The following CPED1 variants were observed in gnomAD, a reference collection of about 807,000 sequenced individuals.
CPED1 encodes cadherin like and PC-esterase domain containing 1.
Under a neutral mutation model 128.2 loss-of-function variants are expected in CPED1, and 114 were observed. That is an observed-to-expected ratio of 0.89 (90% CI 0.76 to 1.04). The LOEUF (loss-of-function observed/expected upper bound fraction) is 1.04, where lower values mean the gene tolerates loss of function less well. Among genes scored for constraint, CPED1 ranks in the 50% least tolerant of loss-of-function variants. The probability of loss-of-function intolerance (pLI) is 0.00; values close to 1 mark genes in which losing one functional copy is unlikely to be tolerated. For missense variants in CPED1, 1,211 were observed against 1,207.1 expected (o/e 1.00, Z -0.05); for synonymous variants, 462 against 426.7 (o/e 1.08, Z -1.02).
At chr7:121,134,901 G>A (rs914361240) in intron 13 of CPED1, among the ~76,000 whole-genome samples, 8 of 151,434 alleles carry the variant, frequency 5.3e-5, no homozygotes, top group Non-Finnish European at 7.4e-5. Flanking sequence ...TCATTTTAAG[G>A]AAATAATATA....
intron 2 of CPED1, among the ~76,000 whole-genome samples, chr7:121,001,841 C>T (rs1791868841): frequency 6.6e-6 from 1 of 152,026 alleles, no homozygotes; most frequent in African/African-American, 2.4e-5. Flanking sequence ...CACAGAGGTG[C>T]TATGGGATCT....
intron 7 of CPED1, among the ~76,000 whole-genome samples, chr7:121,110,410 G>A (rs530975534): frequency 3.7e-4 from 56 of 152,178 alleles, no homozygotes; most frequent in Non-Finnish European, 7.2e-4. Context: ...TGAACAGGAT[G>A]GATGTTGACT....
intron 8 of CPED1, 152 bp from the exon 9 acceptor site, chr7:121,125,668 T>C: frequency 1.6e-6 from 1 of 628,254 alleles, no homozygotes; most frequent in Non-Finnish European, 2.9e-6. Context: ...TGCATAGTAT[T>C]CCATGGTGTG....
Position 121,266,711 on chromosome 7 carries a change from C to T in CPED1, c.2536C>T (p.Arg846Cys), listed in dbSNP as rs866684060. ...GTTTTTCTTTCTGAATTTCAGATCA[C>T]GTCCCCTAGAGAATACTGGCCAGAC... Reference protein sequence around the residue: ...NALEHLLQRSRPLENTGQTVL... With the variant: ...NALEHLLQRSCPLENTGQTVL... Residue 846 changes from arginine (R) to cysteine (C), a missense_variant, in exon 20 of 23, where the codon CGT (arginine) becomes TGT (cysteine). By Grantham distance (180) the Arg-to-Cys change is radical. Transcript: ENST00000310396. 25 of 1,611,182 alleles carry T rather than the reference C, an allele frequency of 1.6e-5. No individual in the cohort carries two copies. The highest frequency in any genetic ancestry group is 3.3e-4 in the Middle Eastern group (2 of 6,068).
At chr7:121,200,691 C>T (rs770105757) in intron 16 of CPED1, among the ~76,000 whole-genome samples, 1 of 152,056 alleles carries the variant, frequency 6.6e-6, no homozygotes, top group African/African-American at 2.4e-5. Flanking sequence ...TTTTATCCTA[C>T]ATTGGACCAG....
chr7:121,103,691 G>A lies in CPED1; in HGVS notation c.918+3597G>A, dbSNP rs534045594. Among the ~76,000 whole-genome samples the A allele has an allele frequency of 1.1e-4, 16 of 152,084 alleles. No homozygotes were observed. In the East Asian group the frequency reaches 2.9e-3, roughly 28 times the overall value. On this transcript the variant is annotated intron_variant, in intron 7 of 22. Transcript: ENST00000310396. ...TAATTTTGTGTGTGTGTGTGTATGT[G>A]CACGTGTGTGTGTACTGAGTACTGA...
chr7:121,213,277 C>A (rs1391360540), intron 16 of CPED1, among the ~76,000 whole-genome samples: 1 of 151,966 alleles, frequency 6.6e-6, no homozygotes, highest in Non-Finnish European at 1.5e-5. Context: ...AAGCTGTGTG[C>A]CTCCAAGAAA....
intron 7 of CPED1, among the ~76,000 whole-genome samples, chr7:121,122,039 C>A (rs1795403290): frequency 6.6e-6 from 1 of 151,866 alleles, no homozygotes; most frequent in African/African-American, 2.4e-5. Context: ...TTTAAAAATT[C>A]ATATGAAGCA....
At chr7:121,224,389 A>G (rs1756276582) in intron 16 of CPED1, among the ~76,000 whole-genome samples, 1 of 152,176 alleles carries the variant, frequency 6.6e-6, no homozygotes, top group Admixed American at 6.6e-5. Flanking sequence ...TTATGTGGTC[A>G]ATTTTAGAAT....
chr7:121,294,461 A>G (rs1584660985), intron 22 of CPED1, among the ~76,000 whole-genome samples: 1 of 152,260 alleles, frequency 6.6e-6, no homozygotes, highest in African/African-American at 2.4e-5. Flanking sequence ...AGGCCAACAA[A>G]TCCGTTTTCT....
chr7:121,175,978 G>GA (rs1183177627), intron 16 of CPED1, among the ~76,000 whole-genome samples: 1 of 151,912 alleles, frequency 6.6e-6, no homozygotes, highest in Non-Finnish European at 1.5e-5. Context: ...GGTCCAAGAA[G>GA]CAGCAAATTA....
intron 16 of CPED1, among the ~76,000 whole-genome samples, chr7:121,161,516 G>A (rs1260952138): frequency 1.3e-5 from 2 of 152,086 alleles, no homozygotes; most frequent in Non-Finnish European, 2.9e-5. Flanking sequence ...CCTAATTTAA[G>A]GTCAACTGAT....
At position 121,067,507 on chromosome 7, in the gene CPED1, C is replaced by G. The variant is rs527778988; in HGVS notation, c.616+3194C>G. 3.6e-4 allele frequency among the ~76,000 whole-genome samples: 55 copies of G among 152,238 alleles called. No individual in the cohort carries two copies. The South Asian group carries it at 8.9e-3, about 25-fold the overall frequency. On this transcript the variant is annotated intron_variant, in intron 5 of 22. Coordinates refer to ENST00000310396, the MANE Select transcript of CPED1 (RefSeq NM_024913.5). ...ACGTGCCACATTTTCTTAATCCAGT[C>G]TATCATTGTTGGACATTTGGCTTGG...
chr7:121,092,692 G>C (rs1041131735), intron 5 of CPED1, among the ~76,000 whole-genome samples: 2 of 152,080 alleles, frequency 1.3e-5, no homozygotes, highest in South Asian at 4.1e-4. Flanking sequence ...TAGTAGTTAG[G>C]GGGTAGGAGC....
chr7:121,161,625 G>A (rs1027790443), intron 16 of CPED1, among the ~76,000 whole-genome samples: 10 of 152,200 alleles, frequency 6.6e-5, no homozygotes, highest in African/African-American at 2.4e-4. Context: ...CAAGGGCCAG[G>A]AAGAATAAGA....
At chr7:120,991,828 C>A (rs986605527) in intron 2 of CPED1, among the ~76,000 whole-genome samples, 3 of 152,158 alleles carry the variant, frequency 2.0e-5, no homozygotes, top group Admixed American at 2.0e-4. Flanking sequence ...TAACTGTAAG[C>A]AAGATTCTAA....
At chr7:121,151,349 C>T (rs567088031) in intron 16 of CPED1, among the ~76,000 whole-genome samples, 1 of 152,262 alleles carries the variant, frequency 6.6e-6, no homozygotes, top group South Asian at 2.1e-4. Flanking sequence ...CAGTGACACA[C>T]ATAATAAGGA....
chr7:121,194,042 ATATATATT>A (rs1370874567), intron 16 of CPED1, among the ~76,000 whole-genome samples: 3 of 107,384 alleles, frequency 2.8e-5, no homozygotes, highest in East Asian at 2.5e-4. Context: ...ATATATATAT[ATATATATT>A]TTTTTTTTTT....
intron 5 of CPED1, among the ~76,000 whole-genome samples, chr7:121,075,955 C>A (rs923358500): frequency 9.2e-5 from 14 of 152,170 alleles, no homozygotes; most frequent in Admixed American, 9.2e-4. Context: ...CAGTTCAAAC[C>A]CATGTTGTTC....
Sources: allele counts gnomAD v4.1 joint callset (sites outside exome capture counted in the v4.1 genomes callset), GRCh38; gene constraint gnomAD v4.1.1; transcripts MANE v1.5; gene names NCBI Gene and HGNC (gene_info 2026-07-23, HGNC 2026-07-21).